The following ANKS1B variants were observed in gnomAD, a reference collection of about 807,000 sequenced individuals.
The protein encoded by ANKS1B is ankyrin repeat and sterile alpha motif domain containing 1B, also known as ankyrin repeat and sterile alpha motif domain-containing protein 1B.
A neutral mutation model predicts 148.3 loss-of-function variants in ANKS1B; 36 were observed. The ratio of observed to expected loss-of-function variants is 0.24; its 90% CI spans 0.19 to 0.32. The LOEUF (loss-of-function observed/expected upper bound fraction) is 0.32, where lower values mean the gene tolerates loss of function less well. Ranked by LOEUF, ANKS1B falls within the 10% of genes least tolerant of loss-of-function variation. ANKS1B has a pLI of 1.00. For missense variants in ANKS1B, 1,157 were observed against 1,542.6 expected, an observed-to-expected ratio of 0.75 and a Z score of 4.19; for synonymous variants, 542 against 560.8, an observed-to-expected ratio of 0.97 and a Z score of 0.47.
chr12:99,567,498 T>C (rs1360540795), intron 9 of ANKS1B, among the ~76,000 whole-genome samples: 1 of 152,082 alleles, frequency 6.6e-6, no homozygotes, highest in African/African-American at 2.4e-5. Context: ...AATATTTTTT[T>C]CTAAAATACA....
intron 12 of ANKS1B, among the ~76,000 whole-genome samples, chr12:99,386,792 G>A (rs1384430781): frequency 6.6e-6 from 1 of 152,176 alleles, no homozygotes; most frequent in Non-Finnish European, 1.5e-5. Context: ...CATTAAAAAT[G>A]ACATATCTCC....
At chr12:99,609,238 TC>T (rs1192996457) in intron 9 of ANKS1B, among the ~76,000 whole-genome samples, 2 of 152,022 alleles carry the variant, frequency 1.3e-5, no homozygotes, top group African/African-American at 4.8e-5. Flanking sequence ...TTTAAAAAAA[TC>T]CTTTCAAATG....
intron 14 of ANKS1B, among the ~76,000 whole-genome samples, chr12:99,164,021 C>T (rs2076959569): frequency 6.6e-6 from 1 of 152,060 alleles, no homozygotes; most frequent in African/African-American, 2.4e-5. Context: ...ATTTGTATTT[C>T]CCTCATGGCT....
chr12:98,867,943 A>G (rs2099633813), intron 17 of ANKS1B, among the ~76,000 whole-genome samples: 1 of 152,062 alleles, frequency 6.6e-6, no homozygotes, highest in African/African-American at 2.4e-5. Flanking sequence ...GAGGTAAAGC[A>G]TTCTCTGCAT....
At chr12:99,194,979 GT>G (rs201715219) in intron 14 of ANKS1B, among the ~76,000 whole-genome samples, 27 of 152,092 alleles carry the variant, frequency 1.8e-4, no homozygotes, top group African/African-American at 6.3e-4. Context: ...AAATAAAAAG[GT>G]TTTTTTAATC....
chr12:99,637,189 G>A (rs575582657), intron 9 of ANKS1B, among the ~76,000 whole-genome samples: 5 of 152,294 alleles, frequency 3.3e-5, no homozygotes, highest in African/African-American at 9.6e-5. Flanking sequence ...GCACATGCCT[G>A]TAGTCCCAGC....
intron 14 of ANKS1B, among the ~76,000 whole-genome samples, chr12:99,185,435 T>C (rs191341712): frequency 3.2e-4 from 48 of 152,302 alleles, no homozygotes; most frequent in Admixed American, 2.8e-3. Context: ...CCAAAGAAGA[T>C]GTCATGAAGG....
chr12:99,684,198 T>C (rs2098636937), intron 8 of ANKS1B, among the ~76,000 whole-genome samples: 1 of 152,006 alleles, frequency 6.6e-6, no homozygotes, highest in African/African-American at 2.4e-5. Context: ...TATGATCATA[T>C]ACCTAGAAAA....
intron 12 of ANKS1B, among the ~76,000 whole-genome samples, chr12:99,294,739 C>G (rs1484284476): frequency 2.0e-5 from 3 of 152,024 alleles, no homozygotes; most frequent in Non-Finnish European, 4.4e-5. Context: ...CCACAATCCC[C>G]GCCTTCCAGG....
chr12:99,812,973 A>T (rs1009691202), intron 2 of ANKS1B, among the ~76,000 whole-genome samples: 4 of 151,736 alleles, frequency 2.6e-5, no homozygotes, highest in Non-Finnish European at 3.0e-5. Flanking sequence ...ATAATAATAA[A>T]AAAATTTTAA....
chr12:99,847,189 T>C (rs1204160823), intron 1 of ANKS1B, among the ~76,000 whole-genome samples: 2 of 151,762 alleles, frequency 1.3e-5, no homozygotes, highest in South Asian at 4.2e-4. Flanking sequence ...CACTGCATTC[T>C]CAAACTCCTA....
chr12:99,030,802 A>T (rs1165627381), intron 17 of ANKS1B, among the ~76,000 whole-genome samples: 1 of 152,200 alleles, frequency 6.6e-6, no homozygotes, highest in East Asian at 1.9e-4. Flanking sequence ...TGATTATCGA[A>T]CTGAATTGAT....
intron 1 of ANKS1B, among the ~76,000 whole-genome samples, chr12:99,867,438 A>G (rs947588581): frequency 2.6e-5 from 4 of 152,192 alleles, no homozygotes; most frequent in Non-Finnish European, 1.5e-5. Context: ...AAAGAAAAAG[A>G]GGTTTAACGG....
At position 99,260,608 on chromosome 12, in the gene ANKS1B, T is replaced by C. The variant is rs145037433; in HGVS notation, c.1757-13744A>G. 8.1e-4 allele frequency among the ~76,000 whole-genome samples: 123 copies of C among 152,356 alleles called. 1 individual carries two copies. In the East Asian group the frequency reaches 0.02, roughly 25 times the overall value. ...TTTTAAATCAACTTTGCTGTTGCTATGGTAAGAGATATCCAATGTAAAACA... is the reference window on the plus strand; with the variant it reads ...TTTTAAATCAACTTTGCTGTTGCTACGGTAAGAGATATCCAATGTAAAACA... On this transcript the variant is annotated intron_variant, in intron 12 of 26. Transcript: ENST00000683438.
Position 99,764,025 on chromosome 12 carries a change from C to T in ANKS1B, c.1128+8897G>A, listed in dbSNP as rs560013372. Among the ~76,000 whole-genome samples the T allele has an allele frequency of 3.3e-5, 5 of 152,284 alleles. No individual in the cohort carries two copies. The East Asian group carries it at 7.7e-4, about 24-fold the overall frequency. ...ATTCATTATTTGAAAAATCACCCAA[C>T]AGGGGAAGTTCTTCTCAGATCATAA... is the stretch of plus-strand genomic sequence containing the variant. On this transcript the variant is annotated intron_variant, in intron 8 of 26. Transcript: ENST00000683438.
chr12:99,768,359 A>G (rs1397722207), intron 8 of ANKS1B, among the ~76,000 whole-genome samples: 1 of 152,180 alleles, frequency 6.6e-6, no homozygotes, highest in African/African-American at 2.4e-5. Context: ...GTTTGACTGC[A>G]GTTTGGATTT....
At chr12:99,658,528 T>C (rs1401385208) in intron 8 of ANKS1B, among the ~76,000 whole-genome samples, 1 of 152,038 alleles carries the variant, frequency 6.6e-6, no homozygotes, top group Non-Finnish European at 1.5e-5. Context: ...AATGTTTGCA[T>C]TTGGTATTTC....
At chr12:99,412,454 T>C (rs980327918) in intron 11 of ANKS1B, among the ~76,000 whole-genome samples, 2 of 152,200 alleles carry the variant, frequency 1.3e-5, no homozygotes, top group African/African-American at 4.8e-5. Context: ...CCATGCCCTG[T>C]TGCTCAGGCT....
intron 17 of ANKS1B, among the ~76,000 whole-genome samples, chr12:98,881,612 T>G (rs1402520599): frequency 6.6e-6 from 1 of 152,166 alleles, no homozygotes. Flanking sequence ...TCCTATAAAC[T>G]CAATATTTTA....
Sources: allele counts gnomAD v4.1 joint callset (sites outside exome capture counted in the v4.1 genomes callset), GRCh38; gene constraint gnomAD v4.1.1; transcripts MANE v1.5; gene names NCBI Gene and HGNC (gene_info 2026-07-23, HGNC 2026-07-21).